The following SLC9A4 variants were observed in gnomAD, a reference collection of about 807,000 sequenced individuals.
SLC9A4 encodes solute carrier family 9 member A4.
In SLC9A4, 63 loss-of-function variants were observed where a neutral mutation model predicts 67.4. The ratio of observed to expected loss-of-function variants is 0.93; its 90% CI spans 0.76 to 1.15. The LOEUF (loss-of-function observed/expected upper bound fraction) is 1.15, where lower values mean the gene tolerates loss of function less well. Among genes scored for constraint, SLC9A4 ranks in the 50% most tolerant of loss-of-function variants. The pLI, the probability that SLC9A4 is intolerant of heterozygous loss-of-function variation, is 0.00. For synonymous variants in SLC9A4, 393 were observed against 367.2 expected, an observed-to-expected ratio of 1.07 and a Z score of -0.80; for missense variants, 1,089 against 987.7, an observed-to-expected ratio of 1.10 and a Z score of -1.38.
intron 8 of SLC9A4, among the ~76,000 whole-genome samples, chr2:102,517,443 C>A (rs919995225): frequency 5.3e-5 from 8 of 151,746 alleles, no homozygotes; most frequent in African/African-American, 1.9e-4. Flanking sequence ...AGCAACTGAC[C>A]AAAAGAGAAA....
intron 2 of SLC9A4, among the ~76,000 whole-genome samples, chr2:102,485,228 C>T (rs1311814014): frequency 6.6e-6 from 1 of 152,194 alleles, no homozygotes; most frequent in Non-Finnish European, 1.5e-5. Context: ...GACACAGATT[C>T]TCATAGAAGT....
chr2:102,483,839 T>TACACACACAC (rs1391182060), intron 2 of SLC9A4, among the ~76,000 whole-genome samples: 5 of 127,938 alleles, frequency 3.9e-5, no homozygotes, highest in African/African-American at 1.5e-4. Flanking sequence ...TATATATATA[T>TACACACACAC]ATACACACAC....
chr2:102,477,224 C>T (rs1028058268), intron 1 of SLC9A4, among the ~76,000 whole-genome samples: 1 of 152,228 alleles, frequency 6.6e-6, no homozygotes, highest in Non-Finnish European at 1.5e-5. Flanking sequence ...AAGGTTGCTC[C>T]AGCCAGGTGG....
At chr2:102,492,042 C>T (rs986725704) in intron 2 of SLC9A4, among the ~76,000 whole-genome samples, 4 of 152,274 alleles carry the variant, frequency 2.6e-5, no homozygotes, top group South Asian at 2.1e-4. Context: ...GATTCCATGT[C>T]TCACATCCAG....
At chr2:102,504,799 A>T (rs192724110) in intron 3 of SLC9A4, among the ~76,000 whole-genome samples, 1 of 152,370 alleles carries the variant, frequency 6.6e-6, no homozygotes, top group Non-Finnish European at 1.5e-5. Flanking sequence ...AATATTTGAA[A>T]TAAAGCCAAT....
chr2:102,485,966 G>T (rs764248827), intron 2 of SLC9A4, among the ~76,000 whole-genome samples: 6 of 152,164 alleles, frequency 3.9e-5, no homozygotes, highest in East Asian at 1.9e-4. Context: ...TGTCATGCAC[G>T]TGTCCTGCAC....
chr2:102,515,429 A>G (rs925222988), intron 8 of SLC9A4, among the ~76,000 whole-genome samples: 1 of 148,868 alleles, frequency 6.7e-6, no homozygotes, highest in Non-Finnish European at 1.5e-5. Flanking sequence ...ATATCTCAGT[A>G]TAATACAAAG....
intron 9 of SLC9A4, among the ~76,000 whole-genome samples, chr2:102,524,556 T>TTGTGTGCGTG: frequency 6.9e-6 from 1 of 145,416 alleles, no homozygotes; most frequent in African/African-American, 2.5e-5. Flanking sequence ...GTGATAGGAA[T>TTGTGTGCGTG]TGTGTGTGTG....
chr2:102,477,653 G>A (rs1224831380), intron 1 of SLC9A4, among the ~76,000 whole-genome samples: 2 of 152,136 alleles, frequency 1.3e-5, no homozygotes, highest in African/African-American at 4.8e-5. Context: ...ACTCAGGAAG[G>A]AGCTAGGGAA....
intron 1 of SLC9A4, among the ~76,000 whole-genome samples, chr2:102,476,580 G>T (rs1181507719): frequency 6.6e-6 from 1 of 152,184 alleles, no homozygotes. Flanking sequence ...GGGAGCCACA[G>T]GGCCTGAGAA....
Position 102,476,876 on chromosome 2 carries a change from A to C in SLC9A4, c.257-1963A>C, listed in dbSNP as rs144560459. Among the ~76,000 whole-genome samples, 983 of 152,300 alleles carry C rather than the reference A, an allele frequency of 6.5e-3. 13 individuals are homozygous for C. Among genetic ancestry groups the C allele is most frequent in the Non-Finnish European group, 9.8e-3 (665 of 68,010 alleles). ...GAGGAGGAAGAGGAAATGCAGAAAT[A>C]AGCAGTGATTAGAAAATGATGAGTT... On this transcript the variant is annotated intron_variant, in intron 1 of 11. Coordinates refer to ENST00000295269, the MANE Select transcript of SLC9A4 (RefSeq NM_001011552.4).
intron 11 of SLC9A4, among the ~76,000 whole-genome samples, chr2:102,531,892 A>G (rs1008001692): frequency 6.6e-6 from 1 of 152,134 alleles, no homozygotes; most frequent in Non-Finnish European, 1.5e-5. Flanking sequence ...CTCAGATGTA[A>G]TGCTTTCTGG....
At chr2:102,507,502 C>T (rs956787355) in intron 4 of SLC9A4, among the ~76,000 whole-genome samples, 1 of 152,108 alleles carries the variant, frequency 6.6e-6, no homozygotes, top group African/African-American at 2.4e-5. Flanking sequence ...GAGAAGCTCA[C>T]TGAGAGTAAG....
At chr2:102,483,835 T>TACAC (rs1424356394) in intron 2 of SLC9A4, among the ~76,000 whole-genome samples, 28 of 75,858 alleles carry the variant, frequency 3.7e-4, no homozygotes, top group South Asian at 3.4e-3. Flanking sequence ...TATATATATA[T>TACAC]ATATATACAC....
intron 10 of SLC9A4, 92 bp from the exon 11 acceptor site, chr2:102,526,167 C>G: frequency 7.5e-7 from 1 of 1,337,134 alleles, no homozygotes; most frequent in Non-Finnish European, 1.1e-6. Context: ...GGATTACAGG[C>G]GTGAGCCACA....
chr2:102,506,202 G>A (rs1478256959), intron 4 of SLC9A4, among the ~76,000 whole-genome samples: 1 of 152,180 alleles, frequency 6.6e-6, no homozygotes, highest in Non-Finnish European at 1.5e-5. Flanking sequence ...GTACATTTAT[G>A]TTTCAGGAGC....
intron 5 of SLC9A4, 78 bp downstream of exon 5, chr2:102,508,359 G>A (rs1464588447): frequency 7.7e-7 from 1 of 1,300,894 alleles, no homozygotes; most frequent in Admixed American, 2.6e-5. Context: ...ACAAATAAAG[G>A]CATTTTATCT....
chr2:102,503,782 C>T (rs1041756566), intron 3 of SLC9A4, 75 bp downstream of exon 3: 14 of 1,542,716 alleles, frequency 9.1e-6, no homozygotes, highest in Non-Finnish European at 1.2e-5. Context: ...AGCCAGGCAT[C>T]TGGGAAAGAC....
intron 9 of SLC9A4, among the ~76,000 whole-genome samples, chr2:102,521,590 T>A (rs1021137271): frequency 1.3e-5 from 2 of 152,178 alleles, no homozygotes; most frequent in African/African-American, 4.8e-5. Context: ...CTTTCCTTAC[T>A]CAGCTTTACA....
Sources: allele counts gnomAD v4.1 joint callset (sites outside exome capture counted in the v4.1 genomes callset), GRCh38; gene constraint gnomAD v4.1.1; transcripts MANE v1.5; gene names NCBI Gene and HGNC (gene_info 2026-07-23, HGNC 2026-07-21).